Variants in EIF5B observed in about 807,000 individuals in gnomAD.
EIF5B encodes eIF-5B.
EIF5B carries 47 observed loss-of-function variants against 147.5 expected under a neutral mutation model. That is an observed-to-expected ratio of 0.32 (90% CI 0.25 to 0.41). EIF5B has a LOEUF of 0.41. Ranked by LOEUF, EIF5B falls within the 10% of genes least tolerant of loss-of-function variation. The pLI is 1.00. For missense variants in EIF5B, 1,064 were observed against 1,413.2 expected, an observed-to-expected ratio of 0.75 and a Z score of 3.96; for synonymous variants, 455 against 456.2, an observed-to-expected ratio of 1.00 and a Z score of 0.03.
At chr2:99,340,964 C>T (rs1235232800) in intron 1 of EIF5B, among the ~76,000 whole-genome samples, 2 of 152,140 alleles carry the variant, frequency 1.3e-5, no homozygotes, top group Admixed American at 1.3e-4. Context: ...AGGGTTTCAC[C>T]ATGTTGGCTG....
At chr2:99,362,981 A>G (rs1489427324) in intron 4 of EIF5B, among the ~76,000 whole-genome samples, 1 of 151,710 alleles carries the variant, frequency 6.6e-6, no homozygotes, top group African/African-American at 2.4e-5. Context: ...CTGGTCTCGA[A>G]CTCCTGACCT....
chr2:99,361,600 A>G lies in EIF5B; in HGVS notation c.699A>G (p.Ala233=). The G allele has an allele frequency of 6.2e-7, 1 of 1,601,998 alleles. No homozygotes were observed. Among genetic ancestry groups the G allele is most frequent in the Non-Finnish European group, 8.5e-7 (1 of 1,177,304 alleles). ...TTAAGACAGTGGCCCAAAAGAAGGC[A>G]GAAAAGAAGGAGCGCGAGAGAAAAA... ...FKIKTVAQKK[A]EKKERERKKR... The change falls in exon 4 of 24, where the codon GCA becomes GCG. Residue 233 remains alanine, a synonymous_variant. Transcript: ENST00000289371.
chr2:99,364,714 C>T (rs1197989323), intron 6 of EIF5B, among the ~76,000 whole-genome samples: 1 of 152,188 alleles, frequency 6.6e-6, no homozygotes, highest in East Asian at 1.9e-4. Flanking sequence ...TATCAGCCAG[C>T]TTCAACAATT....
intron 1 of EIF5B, among the ~76,000 whole-genome samples, chr2:99,343,746 G>A (rs1162220089): frequency 6.6e-6 from 1 of 151,520 alleles, no homozygotes; most frequent in Non-Finnish European, 1.5e-5. Context: ...CCTGGAAGGC[G>A]GAGGTTGCAG....
chr2:99,378,960 G>A lies in EIF5B; in HGVS notation c.1843-59G>A, dbSNP rs964145478. ...TTTGCCAAGGCAAAACAGAAAATAA[G>A]GATAGTGAGGATTTGAAATAATATT... On this transcript the variant is annotated intron_variant, in intron 10 of 23. Transcript: ENST00000289371. 8 of 1,321,812 alleles carry A rather than the reference G, an allele frequency of 6.1e-6. No homozygotes were observed. The African/African-American group carries it at 1.1e-4, about 17-fold the overall frequency. The allele number at this position is 1,321,812 out of a possible 1,614,324, so 81.9% of individuals were successfully genotyped here. A position where few individuals can be genotyped will look rare whatever the true frequency, so the allele number is the denominator to read the frequency against.
At chr2:99,363,971 ATT>A (rs1674273792) in intron 5 of EIF5B, 109 bp downstream of exon 5, 1 of 1,155,562 alleles carries the variant, frequency 8.7e-7, no homozygotes, top group South Asian at 1.6e-5. Flanking sequence ...TTGCATGGTA[ATT>A]CAGTTATATT....
chr2:99,394,899 T>C lies in EIF5B; in HGVS notation c.3254+16T>C, dbSNP rs368473789. 19 of 1,551,446 alleles carry C rather than the reference T, an allele frequency of 1.2e-5. No homozygotes were observed. The highest frequency in any genetic ancestry group is 1.5e-5 in the Non-Finnish European group (17 of 1,144,296). On this transcript the variant is annotated intron_variant, in intron 21 of 23. Transcript: ENST00000289371. ...AAGAATTTAAGTAAGTTACTGTTTT[T>C]ATTTACTTTGAGTCTTTGTTAATGA...
intron 1 of EIF5B, among the ~76,000 whole-genome samples, chr2:99,358,302 A>C (rs1025727327): frequency 6.6e-6 from 1 of 152,122 alleles, no homozygotes; most frequent in African/African-American, 2.4e-5. Context: ...CCTGGGCTCA[A>C]GTGATCTGCC....
chr2:99,353,005 C>CTTTTTTTTTTTTTTTTTTTT (rs529053292), intron 1 of EIF5B, among the ~76,000 whole-genome samples: 5 of 62,850 alleles, frequency 8.0e-5, no homozygotes, highest in Non-Finnish European at 1.4e-4. Context: ...TCTTCTTCTT[C>CTTTTTTTTTTTTTTTTTTTT]TTTTTTTTTT....
intron 1 of EIF5B, among the ~76,000 whole-genome samples, chr2:99,348,648 A>G (rs1226075724): frequency 6.6e-6 from 1 of 152,200 alleles, no homozygotes; most frequent in African/African-American, 2.4e-5. Context: ...CTTGTTTACT[A>G]TTATTAAGAG....
At chr2:99,398,413 A>G in intron 22 of EIF5B, 1 of 186,844 alleles carries the variant, frequency 5.4e-6, no homozygotes, top group East Asian at 1.5e-4. Flanking sequence ...TTCCTGACTC[A>G]GACCCTTTGT....
chr2:99,399,286 T>C, intron 23 of EIF5B, 21 bp from the exon 24 acceptor site: 1 of 1,611,704 alleles, frequency 6.2e-7, no homozygotes, highest in Non-Finnish European at 8.5e-7. Context: ...GTTTACCCTG[T>C]TTGTGCCTCG....
chr2:99,360,005 G>T (rs1241125241), intron 1 of EIF5B, among the ~76,000 whole-genome samples: 1 of 151,872 alleles, frequency 6.6e-6, no homozygotes, highest in Admixed American at 6.6e-5. Context: ...ATTTTTTTCT[G>T]GAGCTTTTCA....
chr2:99,371,533 CATA>C, intron 8 of EIF5B, 120 bp from the exon 9 acceptor site: 3 of 649,826 alleles, frequency 4.6e-6, no homozygotes. Context: ...TAGCTGCATA[CATA>C]TTTTTTACAT....
chr2:99,374,275 C>A (rs1371055046), intron 9 of EIF5B, among the ~76,000 whole-genome samples: 1 of 121,818 alleles, frequency 8.2e-6, no homozygotes, highest in Non-Finnish European at 1.6e-5. Context: ...GGCGACAGAG[C>A]GAGACTCTTA....
intron 1 of EIF5B, among the ~76,000 whole-genome samples, chr2:99,345,035 A>G (rs1235294033): frequency 1.3e-5 from 2 of 152,224 alleles, no homozygotes; most frequent in East Asian, 1.9e-4. Flanking sequence ...TTCACATACA[A>G]TGGAATCGTT....
At position 99,393,065 on chromosome 2, in the gene EIF5B, G is replaced by A. The variant is rs767563042; in HGVS notation, c.2847G>A (p.Val949=). Residue 949 remains valine (V), a synonymous_variant, in exon 18 of 24, where the codon GTG becomes GTA. Coordinates refer to ENST00000289371, the MANE Select transcript of EIF5B (RefSeq NM_015904.4). ...EKTLAGLPLL[V]AYKEDEIPVL... ...CATTGGCTGGTTTACCCCTCCTTGTGGCTTATAAAGAAGATGAAATCCCTG... is the reference window on the plus strand; with the variant it reads ...CATTGGCTGGTTTACCCCTCCTTGTAGCTTATAAAGAAGATGAAATCCCTG... 20 of 1,566,616 alleles carry A rather than the reference G, an allele frequency of 1.3e-5. No homozygotes were observed. Among genetic ancestry groups the A allele is most frequent in the Non-Finnish European group, 1.6e-5 (18 of 1,159,212 alleles).
At chr2:99,353,119 ATTC>A (rs1674015363) in intron 1 of EIF5B, among the ~76,000 whole-genome samples, 1 of 143,792 alleles carries the variant, frequency 7.0e-6, no homozygotes, top group Non-Finnish European at 1.5e-5. Flanking sequence ...GGTTCAAGCA[ATTC>A]TTCTGCCTCA....
intron 10 of EIF5B, among the ~76,000 whole-genome samples, chr2:99,376,957 C>G (rs1352516862): frequency 5.3e-5 from 8 of 152,094 alleles, no homozygotes; most frequent in Non-Finnish European, 1.2e-4. Flanking sequence ...TTATAAACAT[C>G]AGTTATGTGT....
Sources: gnomAD v4.1 joint callset for allele counts (sites outside exome capture counted in the v4.1 genomes callset) on GRCh38, gnomAD v4.1.1 for gene constraint, MANE v1.5 for transcripts, NCBI Gene and HGNC (gene_info 2026-07-23, HGNC 2026-07-21) for gene names.